The following C16orf89 variants were observed in gnomAD, a reference collection of about 807,000 sequenced individuals.
C16orf89 encodes the protein UPF0764 protein C16orf89.
In C16orf89, 57 loss-of-function variants were observed where a neutral mutation model predicts 41.5. The observed-to-expected ratio is 1.38, with a 90% CI of 1.11 to 1.71. C16orf89 has a LOEUF of 1.71. Ranked by LOEUF, C16orf89 falls within the 40% of genes most tolerant of loss-of-function variation. The probability of loss-of-function intolerance (pLI) is 0.00; values close to 1 mark genes in which losing one functional copy is unlikely to be tolerated. For synonymous variants in C16orf89, 223 were observed against 190.6 expected (o/e 1.17, Z -1.40); for missense variants, 575 against 445.9 (o/e 1.29, Z -2.61).
At chr16:5,061,264 G>GGA (rs752147374) in intron 2 of C16orf89, among the ~76,000 whole-genome samples, 3 of 57,820 alleles carry the variant, frequency 5.2e-5, no homozygotes, top group Non-Finnish European at 8.8e-5. Context: ...TCCATCTCAA[G>GGA]AAAAAAAAAA....
chr16:5,057,678 G>A (rs1956539215), intron 4 of C16orf89, among the ~76,000 whole-genome samples: 1 of 151,612 alleles, frequency 6.6e-6, no homozygotes, highest in Non-Finnish European at 1.5e-5. Context: ...ACAGGTGCAT[G>A]CCACTATGCC....
chr16:5,058,686 A>T (rs1956559195), intron 3 of C16orf89, 76 bp from the exon 4 acceptor site: 1 of 1,243,880 alleles, frequency 8.0e-7, no homozygotes, highest in Admixed American at 2.2e-5. Flanking sequence ...CCCTAGTTGT[A>T]GTTGTTGGAA....
chr16:5,061,422 G>GA (rs1489372308), intron 2 of C16orf89, among the ~76,000 whole-genome samples: 1 of 101,754 alleles, frequency 9.8e-6, no homozygotes, highest in Non-Finnish European at 1.8e-5. Context: ...GACAGGGTGA[G>GA]ACTCTGTCTC....
In C16orf89 at chr16:5,044,296, G is replaced by A. The variant is rs1956253165; in HGVS notation, c.*52C>T. 3 of 1,543,310 alleles carry A rather than the reference G, an allele frequency of 1.9e-6. No homozygotes were observed. The highest frequency in any genetic ancestry group is 4.0e-5 in the Admixed American group (2 of 49,778). ...GTGCCCTCCAGGATCTAAGGGATGA[G>A]GACTAAAGGGGTCTGTTCCTCCTCC... On this transcript the variant is annotated 3_prime_UTR_variant, in exon 8 of 8. Transcript: ENST00000472572.
chr16:5,049,331 A>T (rs927418193), intron 6 of C16orf89, among the ~76,000 whole-genome samples: 15 of 152,228 alleles, frequency 9.9e-5, no homozygotes, highest in African/African-American at 3.6e-4. Flanking sequence ...ACTGAATTTA[A>T]ACTGCACTTA....
intron 6 of C16orf89, among the ~76,000 whole-genome samples, chr16:5,053,513 G>C (rs1956435072): frequency 6.6e-6 from 1 of 151,910 alleles, no homozygotes; most frequent in African/African-American, 2.4e-5. Context: ...TAGCACTATA[G>C]GGTGATTGCA....
Position 5,047,869 on chromosome 16 carries a change from T to G in C16orf89, c.955+9A>C, listed in dbSNP as rs756988772. ...CATGTCAAGAAACTCCCTTGGGTAT[T>G]TTCATTACCTGGAAATTGTTTTTCT... On this transcript the variant is annotated intron_variant, in intron 7 of 7. Coordinates refer to ENST00000472572, the MANE Select transcript of C16orf89 (RefSeq NM_001098514.3). 14 of 1,512,900 alleles carry G rather than the reference T, an allele frequency of 9.3e-6. No individual in the cohort carries two copies. Among genetic ancestry groups the G allele is most frequent in the Non-Finnish European group, 1.3e-5 (14 of 1,089,540 alleles). 93.7% of individuals were successfully genotyped at this position (1,512,900 alleles called of 1,614,324 possible). A position where few individuals can be genotyped will look rare whatever the true frequency, so the allele number is the denominator to read the frequency against.
chr16:5,057,879 T>C (rs1478807357), intron 4 of C16orf89, among the ~76,000 whole-genome samples: 1 of 151,952 alleles, frequency 6.6e-6, no homozygotes, highest in Non-Finnish European at 1.5e-5. Flanking sequence ...TCTCTTTTAT[T>C]CTCTCTTTCT....
At position 5,065,054 on chromosome 16, in the gene C16orf89, G is replaced by T. The variant is rs79498174; in HGVS notation, c.208+647C>A. 0.011 allele frequency among the ~76,000 whole-genome samples: 1,706 copies of T among 152,260 alleles called. 125 individuals carry two copies. The East Asian group carries it at 0.22, about 20-fold the overall frequency. On this transcript the variant is annotated intron_variant, in intron 1 of 7. Transcript: ENST00000472572. Reference sequence around the variant, plus strand: ...CTGTGGGAGCCACCTGTGTGCTTGTGTGTGTGTGTGATATGCTTGTGTGCA... The same window carrying T: ...CTGTGGGAGCCACCTGTGTGCTTGTTTGTGTGTGTGATATGCTTGTGTGCA...
chr16:5,050,740 C>G (rs1428596750), intron 6 of C16orf89, among the ~76,000 whole-genome samples: 1 of 152,112 alleles, frequency 6.6e-6, no homozygotes, highest in African/African-American at 2.4e-5. Context: ...AAATCCTTAA[C>G]AAAATACTAG....
chr16:5,047,798 GC>G (rs1956326388), intron 7 of C16orf89, 79 bp downstream of exon 7: 1 of 830,076 alleles, frequency 1.2e-6, no homozygotes, highest in African/African-American at 1.7e-5. Flanking sequence ...TTCTTCCATA[GC>G]AGAGAATAAA....
In C16orf89 at chr16:5,065,912, C is replaced by T. The variant is rs375113096; in HGVS notation, c.-4G>A. On this transcript the variant is annotated 5_prime_UTR_variant, in exon 1 of 8. Coordinates refer to ENST00000472572, the MANE Select transcript of C16orf89 (RefSeq NM_001098514.3). The stretch of plus-strand genomic sequence containing the variant: ...GCAGCAGCCCCAGGCTGGCCATGGC[C>T]GGCCTCTGCTCACTGCTGGTCACAC... The T allele has an allele frequency of 1.9e-5, 31 of 1,611,992 alleles. No homozygotes were observed. The highest frequency in any genetic ancestry group is 6.6e-5 in the South Asian group (6 of 90,738).
rs1436881206 is a variant in C16orf89, at chr16:5,044,752, G to C, written c.956-274C>G. On this transcript the variant is annotated intron_variant, in intron 7 of 7. Transcript: ENST00000472572. Reference sequence around the variant, plus strand: ...CCAGCTACTCGGGAGGATGAGGCAAGAGAATTGCTTGAACCCAGGAGGCAA... The same window carrying C: ...CCAGCTACTCGGGAGGATGAGGCAACAGAATTGCTTGAACCCAGGAGGCAA... 8.4e-6 allele frequency: 9 copies of C among 1,065,944 alleles called. No homozygotes were observed. In the South Asian group the frequency reaches 9.4e-5, roughly 11 times the overall value. The allele number at this position is 1,065,944 out of a possible 1,614,324, so 66.0% of individuals were successfully genotyped here. A position where few individuals can be genotyped will look rare whatever the true frequency, so the allele number is the denominator to read the frequency against.
intron 1 of C16orf89, among the ~76,000 whole-genome samples, chr16:5,065,472 C>G (rs760128356): frequency 6.6e-6 from 1 of 152,182 alleles, no homozygotes; most frequent in Non-Finnish European, 1.5e-5. Flanking sequence ...TTCCCAAATC[C>G]CTTCCCATGT....
At chr16:5,065,105 G>A (rs750458855) in intron 1 of C16orf89, among the ~76,000 whole-genome samples, 1 of 152,086 alleles carries the variant, frequency 6.6e-6, no homozygotes. Flanking sequence ...TTGTGTGTGT[G>A]ATGTGCATGT....
intron 5 of C16orf89, chr16:5,055,666 G>T: frequency 1.3e-6 from 2 of 1,530,900 alleles, no homozygotes; most frequent in Non-Finnish European, 1.8e-6. Flanking sequence ...ATAAGGCTTT[G>T]TGGGTCTGTC....
chr16:5,044,359 T>A lies in C16orf89; in HGVS notation c.1075A>T (p.Ser359Cys). Residue 359 changes from serine to cysteine, a missense_variant, in exon 8 of 8, where the codon AGC becomes TGC. Transcript: ENST00000472572. ...TGGAACCGTCCGTCTCAGCGGCTGC[T>A]TGGTGGTGGCGGTGTGGATGGGTGT... The part of the protein sequence containing the change: ...EPHPSTPPPP[S>C]SR The A allele has an allele frequency of 6.2e-7, 1 of 1,606,664 alleles. No homozygotes were observed.
At chr16:5,057,267 C>CATATATATATGTAT (rs1956528031) in intron 4 of C16orf89, among the ~76,000 whole-genome samples, 2 of 134,500 alleles carry the variant, frequency 1.5e-5, no homozygotes, top group South Asian at 4.6e-4. Flanking sequence ...AAGAAATATA[C>CATATATATATGTAT]ATATATATAT....
intron 2 of C16orf89, 85 bp downstream of exon 2, chr16:5,062,340 C>G (rs1956643017): frequency 6.8e-7 from 1 of 1,461,232 alleles, no homozygotes; most frequent in Admixed American, 2.1e-5. Context: ...CAGCCTTGCC[C>G]CAGGAGAGCC....
Sources: gnomAD v4.1 joint callset for allele counts (sites outside exome capture counted in the v4.1 genomes callset) on GRCh38, gnomAD v4.1.1 for gene constraint, MANE v1.5 for transcripts, NCBI Gene and HGNC (gene_info 2026-07-23, HGNC 2026-07-21) for gene names.